Variants in MIGA1 observed in about 807,000 individuals in gnomAD.
MIGA1 encodes the protein mitoguardin 1.
In MIGA1, 58 loss-of-function variants were observed where a neutral mutation model predicts 82.0. The observed-to-expected ratio is 0.71, with a 90% confidence interval of 0.57 to 0.88. The LOEUF is 0.88. Ranked by LOEUF, MIGA1 falls within the 40% of genes least tolerant of loss-of-function variation. The pLI is 0.00. For missense variants in MIGA1, 751 were observed against 749.1 expected (o/e 1.00, Z -0.03); for synonymous variants, 249 against 253.6 (o/e 0.98, Z 0.17).
intron 7 of MIGA1, among the ~76,000 whole-genome samples, chr1:77,835,212 A>G (rs966871991): frequency 1.3e-5 from 2 of 152,198 alleles, no homozygotes; most frequent in African/African-American, 2.4e-5. Flanking sequence ...TTTGGAAAAA[A>G]ACTCAAGTAA....
chr1:77,866,311 ATCTT>A (rs758580749), intron 13 of MIGA1, 23 bp from the exon 14 acceptor site: 2 of 1,610,220 alleles, frequency 1.2e-6, no homozygotes, highest in South Asian at 1.1e-5. Context: ...CTATATATAA[ATCTT>A]TCTTTTCTCT....
At chr1:77,858,808 C>T in intron 8 of MIGA1, 130 bp from the exon 9 acceptor site, 1 of 578,724 alleles carries the variant, frequency 1.7e-6, no homozygotes, top group Admixed American at 3.1e-5. Context: ...TTTGTAGAGA[C>T]AGGGTCTTAC....
intron 1 of MIGA1, 130 bp from the exon 2 acceptor site, chr1:77,783,108 C>T (rs1453440566): frequency 5.8e-6 from 3 of 518,374 alleles, no homozygotes; most frequent in Non-Finnish European, 9.4e-6. Context: ...AATTTTAGCT[C>T]AAGTGTAATG....
At position 77,803,864 on chromosome 1, in the gene MIGA1, G is replaced by A. The variant is rs139390660; in HGVS notation, c.510+458G>A. ...TGTTTGATAGCACAATAGGGTGACT[G>A]CAGTCAACACAAAGTATTATACATT... On this transcript the variant is annotated intron_variant, in intron 4 of 15. Coordinates refer to ENST00000370791, the MANE Select transcript of MIGA1 (RefSeq NM_198549.4). Among the ~76,000 whole-genome samples, 144 of 152,176 alleles carry A rather than the reference G, an allele frequency of 9.5e-4. 1 individual carries two copies. The highest frequency in any genetic ancestry group is 3.3e-3 in the African/African-American group (138 of 41,528).
intron 12 of MIGA1, among the ~76,000 whole-genome samples, chr1:77,863,517 T>C (rs778034462): frequency 2.6e-5 from 4 of 152,238 alleles, no homozygotes; most frequent in Non-Finnish European, 4.4e-5. Flanking sequence ...GCATGTAGTA[T>C]GTAGAGTGTG....
Position 77,877,585 on chromosome 1 carries a change from T to C in MIGA1, c.*2521T>C, listed in dbSNP as rs956228944. 6 of 152,640 alleles carry C rather than the reference T, an allele frequency of 3.9e-5. No individual in the cohort carries two copies. The highest frequency in any genetic ancestry group is 8.8e-5 in the Non-Finnish European group (6 of 68,038). 9.5% of individuals were successfully genotyped at this position (152,640 alleles called of 1,614,324 possible). ...TGCGTGCACGTGCATTTCATTACCATGTAGACAAGACAGTTATTGCTTATA... is the reference window on the plus strand; with the variant it reads ...TGCGTGCACGTGCATTTCATTACCACGTAGACAAGACAGTTATTGCTTATA... On this transcript the variant is annotated 3_prime_UTR_variant, in exon 16 of 16. Coordinates refer to ENST00000370791, the MANE Select transcript of MIGA1 (RefSeq NM_198549.4).
intron 2 of MIGA1, among the ~76,000 whole-genome samples, chr1:77,790,819 C>T (rs1682385101): frequency 6.6e-6 from 1 of 150,658 alleles, no homozygotes; most frequent in Non-Finnish European, 1.5e-5. Context: ...AACTCCTGAC[C>T]TCAAGTTATC....
Position 77,875,095 on chromosome 1 carries a change from C to T in MIGA1, c.*31C>T. 1 of 1,507,714 alleles carries T rather than the reference C, an allele frequency of 6.6e-7. No homozygotes were observed. Among genetic ancestry groups the T allele is most frequent in the Non-Finnish European group, 9.2e-7 (1 of 1,088,074 alleles). 93.4% of individuals were successfully genotyped at this position (1,507,714 alleles called of 1,614,324 possible). A position where few individuals can be genotyped will look rare whatever the true frequency, so the allele number is the denominator to read the frequency against. On this transcript the variant is annotated 3_prime_UTR_variant, in exon 16 of 16. Transcript: ENST00000370791. ...ATAAGAATCATACAATTTGAGTGTGCTATGAAATATTTTAAGGTAACTATT... is the reference window on the plus strand; with the variant it reads ...ATAAGAATCATACAATTTGAGTGTGTTATGAAATATTTTAAGGTAACTATT...
chr1:77,878,636 C>T lies in MIGA1; in HGVS notation c.*3572C>T, dbSNP rs1646913175. 9.5e-6 allele frequency: 3 copies of T among 317,094 alleles called. No individual in the cohort carries two copies. Among genetic ancestry groups the T allele is most frequent in the Admixed American group, 5.0e-5 (1 of 19,874 alleles). The allele number at this position is 317,094 out of a possible 1,614,324, so 19.6% of individuals were successfully genotyped here. On this transcript the variant is annotated 3_prime_UTR_variant, in exon 16 of 16. Coordinates refer to ENST00000370791, the MANE Select transcript of MIGA1 (RefSeq NM_198549.4). ...CACTCCTGAGAAAATATCCTTTTTT[C>T]TAGAAGAAAGAAGATAAATTTTGAG... is the stretch of plus-strand genomic sequence containing the variant.
chr1:77,851,883 T>C (rs1199284579), intron 8 of MIGA1, among the ~76,000 whole-genome samples: 7 of 148,884 alleles, frequency 4.7e-5, no homozygotes, highest in Non-Finnish European at 8.9e-5. Context: ...TTTCTTTTTT[T>C]TTTTTTTTTT....
chr1:77,790,716 A>G (rs1018907965), intron 2 of MIGA1, among the ~76,000 whole-genome samples: 1 of 151,574 alleles, frequency 6.6e-6, no homozygotes, highest in Admixed American at 6.6e-5. Context: ...CCCCATGAGT[A>G]GCTGAGATTA....
chr1:77,838,782 G>A (rs1004580040), intron 7 of MIGA1, among the ~76,000 whole-genome samples: 1 of 152,128 alleles, frequency 6.6e-6, no homozygotes, highest in Non-Finnish European at 1.5e-5. Flanking sequence ...TTATCACTAA[G>A]TGTGTTTAGT....
chr1:77,857,210 C>A (rs980732820), intron 8 of MIGA1, among the ~76,000 whole-genome samples: 5 of 151,974 alleles, frequency 3.3e-5, no homozygotes, highest in Non-Finnish European at 2.9e-5. Flanking sequence ...GAGTTGATTT[C>A]CAGTTTTATT....
chr1:77,868,536 C>G (rs1169630870), intron 14 of MIGA1: 2 of 152,224 alleles, frequency 1.3e-5, no homozygotes, highest in Non-Finnish European at 2.9e-5. Context: ...CTATAACTTT[C>G]TATATCCATA....
chr1:77,843,509 C>T lies in MIGA1; in HGVS notation c.996+102C>T, dbSNP rs555687372. On this transcript the variant is annotated intron_variant, in intron 8 of 15. Coordinates refer to ENST00000370791, the MANE Select transcript of MIGA1 (RefSeq NM_198549.4). ...TTCAGTTTGGTCACTATTTATTTAG[C>T]ACGTACCATGTGGTAGGTGCCAGGA... is the stretch of plus-strand genomic sequence containing the variant. 3.1e-5 allele frequency: 26 copies of T among 849,436 alleles called. No individual in the cohort carries two copies. Among genetic ancestry groups the T allele is most frequent in the Non-Finnish European group, 4.8e-5 (25 of 524,014 alleles). The allele number at this position is 849,436 out of a possible 1,614,324, so 52.6% of individuals were successfully genotyped here. A position where few individuals can be genotyped will look rare whatever the true frequency, so the allele number is the denominator to read the frequency against.
At chr1:77,821,645 C>G (rs1349497541) in intron 7 of MIGA1, among the ~76,000 whole-genome samples, 1 of 152,110 alleles carries the variant, frequency 6.6e-6, no homozygotes, top group Non-Finnish European at 1.5e-5. Context: ...CCGCCCGCCT[C>G]CGCCCCCCAA....
intron 2 of MIGA1, among the ~76,000 whole-genome samples, chr1:77,786,046 G>C (rs1341104368): frequency 6.6e-6 from 1 of 152,202 alleles, no homozygotes; most frequent in African/African-American, 2.4e-5. Context: ...TACATCTTCT[G>C]AAATCTAGGT....
At chr1:77,797,710 G>A (rs1020001932) in intron 2 of MIGA1, among the ~76,000 whole-genome samples, 2 of 151,746 alleles carry the variant, frequency 1.3e-5, no homozygotes, top group Non-Finnish European at 2.9e-5. Context: ...CTTTTTCTTG[G>A]TGCTATTATA....
At chr1:77,865,831 C>T (rs917905820) in intron 13 of MIGA1, among the ~76,000 whole-genome samples, 1 of 151,182 alleles carries the variant, frequency 6.6e-6, no homozygotes, top group African/African-American at 2.4e-5. Context: ...CAACTTTGCT[C>T]ATGATTTAAA....
Sources: gnomAD v4.1 joint callset for allele counts (sites outside exome capture counted in the v4.1 genomes callset) on GRCh38, gnomAD v4.1.1 for gene constraint, MANE v1.5 for transcripts, NCBI Gene and HGNC (gene_info 2026-07-23, HGNC 2026-07-21) for gene names.